The following PAQR8 variants were observed in gnomAD, a reference collection of about 807,000 sequenced individuals.
PAQR8 encodes progestin and adipoQ receptor family member 8.
Under a neutral mutation model 25.2 loss-of-function variants are expected in PAQR8, and 17 were observed. The observed-to-expected ratio is 0.67, with a 90% CI of 0.46 to 1.01. The LOEUF (loss-of-function observed/expected upper bound fraction) is 1.01. Ranked by LOEUF, PAQR8 falls within the 50% of genes least tolerant of loss-of-function variation. PAQR8 has a pLI of 0.00. For missense variants in PAQR8, 392 were observed against 448.4 expected (o/e 0.87, Z 1.14); for synonymous variants, 204 against 190.6 (o/e 1.07, Z -0.58).
intron 1 of PAQR8, among the ~76,000 whole-genome samples, chr6:52,379,619 CTT>C (rs909812638): frequency 9.1e-5 from 7 of 77,232 alleles, no homozygotes; most frequent in East Asian, 4.4e-4. Flanking sequence ...ACCCAGCTTT[CTT>C]TTTTTTTTTT....
At chr6:52,384,559 G>A (rs1355908025) in intron 1 of PAQR8, among the ~76,000 whole-genome samples, 1 of 152,148 alleles carries the variant, frequency 6.6e-6, no homozygotes, top group African/African-American at 2.4e-5. Context: ...TAGCAGGTGT[G>A]ATGAAATATT....
At chr6:52,400,254 G>A (rs1763814793) in intron 1 of PAQR8, among the ~76,000 whole-genome samples, 1 of 152,154 alleles carries the variant, frequency 6.6e-6, no homozygotes, top group African/African-American at 2.4e-5. Flanking sequence ...ATAGAAATAG[G>A]TTCAAGGTAT....
In PAQR8 at chr6:52,362,862, A is replaced by G. The variant is rs1222795997; in HGVS notation, c.-53+613A>G. Among the ~76,000 whole-genome samples the G allele has an allele frequency of 1.3e-5, 2 of 152,068 alleles. No individual in the cohort carries two copies. Among genetic ancestry groups the G allele is most frequent in the African/African-American group, 2.4e-5 (1 of 41,416 alleles). On this transcript the variant is annotated intron_variant, in intron 1 of 1. Coordinates refer to ENST00000442253, the MANE Select transcript of PAQR8 (RefSeq NM_133367.5). The surrounding 1 kb of genome is among the most constrained non-coding windows in gnomAD (Gnocchi z 4.1). ...TCTAGGCATGTGCTTTCGCCGGGGA[A>G]AGATGGAGGGGGCTTCTCTGAGAGG...
chr6:52,365,304 C>T (rs192658775), intron 1 of PAQR8, among the ~76,000 whole-genome samples: 134 of 151,146 alleles, frequency 8.9e-4, no homozygotes, highest in African/African-American at 3.0e-3. Context: ...CTGAACATAT[C>T]CCTTTTTAAA....
At chr6:52,382,772 A>T (rs1215076996) in intron 1 of PAQR8, among the ~76,000 whole-genome samples, 5 of 152,142 alleles carry the variant, frequency 3.3e-5, no homozygotes, top group Admixed American at 3.3e-4. Flanking sequence ...GGGAATGGGT[A>T]GACATAGGAA....
intron 1 of PAQR8, among the ~76,000 whole-genome samples, chr6:52,394,864 A>T (rs1763748642): frequency 6.6e-6 from 1 of 152,128 alleles, no homozygotes; most frequent in African/African-American, 2.4e-5. Flanking sequence ...TAAATGCACA[A>T]TTTTTGGCTA....
At chr6:52,392,160 G>A (rs79567893) in intron 1 of PAQR8, among the ~76,000 whole-genome samples, 6,307 of 152,088 alleles carry the variant, frequency 0.041, 223 homozygotes, top group East Asian at 0.15. Context: ...TGGGCAACAC[G>A]GTGAAACCCC....
At chr6:52,365,335 G>T (rs987199648) in intron 1 of PAQR8, among the ~76,000 whole-genome samples, 1 of 151,620 alleles carries the variant, frequency 6.6e-6, no homozygotes, top group Admixed American at 6.6e-5. Flanking sequence ...TTTTTTTCAG[G>T]TTGTGTTGCA....
intron 1 of PAQR8, among the ~76,000 whole-genome samples, chr6:52,365,063 AC>A (rs1311545324): frequency 6.6e-6 from 1 of 152,124 alleles, no homozygotes; most frequent in Non-Finnish European, 1.5e-5. Flanking sequence ...GATACTTGTT[AC>A]TAGGCAGTCT....
Position 52,403,598 on chromosome 6 carries a change from G to C in PAQR8, c.385G>C (p.Ala129Pro). Residue 129 changes from alanine (A) to proline (P), a missense_variant, in exon 2 of 2, where the codon GCC becomes CCC. By Grantham distance (27) the Ala-to-Pro change is conservative. Transcript: ENST00000442253. ...SITYLTCSLLAHLLQSKSELS... is the reference protein window; with the variant it reads ...SITYLTCSLLPHLLQSKSELS... ...CACTTACCTCACCTGCAGCCTTCTG[G>C]CCCACCTGCTGCAGTCCAAGTCAGA... 6.2e-7 allele frequency: 1 copy of C among 1,614,050 alleles called. No homozygotes were observed. Among genetic ancestry groups the C allele is most frequent in the Non-Finnish European group, 8.5e-7 (1 of 1,180,030 alleles).
chr6:52,393,792 C>T (rs1763737419), intron 1 of PAQR8, among the ~76,000 whole-genome samples: 1 of 152,104 alleles, frequency 6.6e-6, no homozygotes, highest in African/African-American at 2.4e-5. Context: ...TGTAGGCATA[C>T]AGTAAGGAAA....
intron 1 of PAQR8, among the ~76,000 whole-genome samples, chr6:52,391,732 T>C (rs1363692868): frequency 6.6e-6 from 1 of 152,262 alleles, no homozygotes; most frequent in Non-Finnish European, 1.5e-5. Flanking sequence ...TTTTGGCTGC[T>C]ATTCCTTTGC....
At chr6:52,367,380 G>A (rs1763366211) in intron 1 of PAQR8, among the ~76,000 whole-genome samples, 1 of 152,194 alleles carries the variant, frequency 6.6e-6, no homozygotes, top group South Asian at 2.1e-4. Context: ...CTTAATCTGA[G>A]TATCCATAGG....
intron 1 of PAQR8, among the ~76,000 whole-genome samples, chr6:52,379,619 CTTTTTTTT>C (rs909812638): frequency 6.5e-5 from 5 of 77,236 alleles, no homozygotes; most frequent in African/African-American, 1.7e-4. Flanking sequence ...ACCCAGCTTT[CTTTTTTTT>C]TTTTTTTTTT....
At position 52,365,950 on chromosome 6, in the gene PAQR8, T is replaced by C. The variant is rs1400515109; in HGVS notation, c.-53+3701T>C. 3.9e-5 allele frequency among the ~76,000 whole-genome samples: 6 copies of C among 152,150 alleles called. No individual in the cohort carries two copies. In the South Asian group the frequency reaches 1.2e-3, roughly 31 times the overall value. ...TTAAAAGCCTCTTCTCTAATTTTTTTCCCTTCATCCAATGAAAATATTATT... is the reference window on the plus strand; with the variant it reads ...TTAAAAGCCTCTTCTCTAATTTTTTCCCCTTCATCCAATGAAAATATTATT... On this transcript the variant is annotated intron_variant, in intron 1 of 1. Transcript: ENST00000442253.
At chr6:52,392,495 T>C (rs1238627291) in intron 1 of PAQR8, among the ~76,000 whole-genome samples, 2 of 152,234 alleles carry the variant, frequency 1.3e-5, no homozygotes, top group Non-Finnish European at 2.9e-5. Context: ...GGAAACACTA[T>C]TGCTTTGGAG....
At chr6:52,378,303 C>T (rs899709456) in intron 1 of PAQR8, among the ~76,000 whole-genome samples, 1 of 152,214 alleles carries the variant, frequency 6.6e-6, no homozygotes, top group Non-Finnish European at 1.5e-5. Flanking sequence ...GCTTGAGCAC[C>T]TGGGTGCAGC....
At chr6:52,365,282 G>A (rs1280295511) in intron 1 of PAQR8, among the ~76,000 whole-genome samples, 1 of 152,074 alleles carries the variant, frequency 6.6e-6, no homozygotes, top group Non-Finnish European at 1.5e-5. Context: ...ATGGCACACA[G>A]TAAAAAATGT....
At chr6:52,378,947 A>G (rs1234939934) in intron 1 of PAQR8, among the ~76,000 whole-genome samples, 1 of 151,694 alleles carries the variant, frequency 6.6e-6, no homozygotes, top group Non-Finnish European at 1.5e-5. Flanking sequence ...AAATACAAAA[A>G]TTAGCCAGGC....
Sources: gnomAD v4.1 joint callset for allele counts (sites outside exome capture counted in the v4.1 genomes callset) on GRCh38, gnomAD v4.1.1 for gene constraint, Gnocchi (gnomAD v3.1) non-coding constraint, MANE v1.5 for transcripts, NCBI Gene and HGNC (gene_info 2026-07-23, HGNC 2026-07-21) for gene names.